The following CPVL variants were observed in gnomAD, a reference collection of about 807,000 sequenced individuals.
CPVL encodes the protein carboxypeptidase vitellogenic like, also known as probable serine carboxypeptidase CPVL.
Under a neutral mutation model 63.7 loss-of-function variants are expected in CPVL, and 51 were observed. The observed-to-expected ratio is 0.80, with a 90% CI of 0.64 to 1.01. CPVL has a LOEUF of 1.01. Ranked by LOEUF, CPVL falls within the 50% of genes least tolerant of loss-of-function variation. The pLI is 0.00. For missense variants in CPVL, 530 were observed against 573.1 expected (o/e 0.92, Z 0.77); for synonymous variants, 195 against 206.0 (o/e 0.95, Z 0.46).
At chr7:29,195,113 A>G in exon 1 of CPVL, 2 of 1,054,100 alleles carry the variant, frequency 1.9e-6, no homozygotes, top group Non-Finnish European at 2.7e-6. Flanking sequence ...GAATGGGGGC[A>G]GGCGTCCGGG....
intron 1 of CPVL, among the ~76,000 whole-genome samples, chr7:29,123,640 T>A (rs1789655061): frequency 1.7e-5 from 2 of 114,412 alleles, no homozygotes; most frequent in Non-Finnish European, 3.5e-5. Context: ...TATATATATA[T>A]ATATATATAT....
rs74313059 is a variant in CPVL at position 29,173,949 on chromosome 7, C to CA, written c.-11+7340dup. ...CCTGGGTGACAGAGGGAGACTGACT[C>CA]AAAAAAAAAAAAAAGAATTTCTAAA... On this transcript the variant is annotated intron_variant, in intron 5 of 16. Coordinates refer to the CPVL transcript ENST00000409850. Among the ~76,000 whole-genome samples, 1,024 of 115,652 alleles carry CA rather than the reference C, an allele frequency of 8.9e-3. 8 individuals carry two copies. Among genetic ancestry groups the CA allele is most frequent in the East Asian group, 0.056 (231 of 4,100 alleles). 75.9% of individuals were successfully genotyped at this position (115,652 alleles called of 152,430 possible).
At chr7:29,171,585 G>A (rs977251036) in intron 5 of CPVL, among the ~76,000 whole-genome samples, 3 of 152,100 alleles carry the variant, frequency 2.0e-5, no homozygotes, top group African/African-American at 7.2e-5. Context: ...AACGTGGACC[G>A]GAAAGACAAA....
chr7:29,009,945 G>A (rs1471517571), intron 12 of CPVL: 1 of 152,182 alleles, frequency 6.6e-6, no homozygotes, highest in African/African-American at 2.4e-5. Flanking sequence ...ACCTGCTGAT[G>A]CTGCCATCCT....
intron 1 of CPVL, among the ~76,000 whole-genome samples, chr7:29,123,707 G>T (rs866835711): frequency 4.8e-4 from 15 of 31,198 alleles, no homozygotes; most frequent in African/African-American, 3.4e-3. Context: ...AGAGGTTTTT[G>T]TTTTTTTTTT....
intron 11 of CPVL, among the ~76,000 whole-genome samples, chr7:29,039,253 C>T (rs1788836311): frequency 6.6e-6 from 1 of 152,164 alleles, no homozygotes; most frequent in African/African-American, 2.4e-5. Flanking sequence ...ACTATCTCAG[C>T]AAGAAAACCT....
intron 11 of CPVL, among the ~76,000 whole-genome samples, chr7:29,062,865 C>T (rs1201560973): frequency 1.3e-5 from 2 of 152,144 alleles, no homozygotes; most frequent in Admixed American, 6.5e-5. Context: ...ATCCTATGGG[C>T]TGCCGACTGC....
At chr7:29,058,121 A>G (rs1026091557) in intron 11 of CPVL, among the ~76,000 whole-genome samples, 1 of 152,170 alleles carries the variant, frequency 6.6e-6, no homozygotes, top group Non-Finnish European at 1.5e-5. Flanking sequence ...AAGAACTGAC[A>G]TCTTGACAAT....
At position 29,055,515 on chromosome 7, in the gene CPVL, C is replaced by A. The variant is rs183283477; in HGVS notation, c.1137+8546G>T. Among the ~76,000 whole-genome samples the A allele has an allele frequency of 1.3e-4, 20 of 152,254 alleles. No homozygotes were observed. The East Asian group carries it at 3.7e-3, about 28-fold the overall frequency. ...ATGTGCCCACCTCAGCCTCCCAAAG[C>A]ACTGAGATTACAGGCATGAGCCACC... On this transcript the variant is annotated intron_variant, in intron 11 of 12. Coordinates refer to ENST00000265394, the MANE Select transcript of CPVL (RefSeq NM_031311.5).
At chr7:29,061,680 T>C (rs960596836) in intron 11 of CPVL, among the ~76,000 whole-genome samples, 2 of 151,200 alleles carry the variant, frequency 1.3e-5, no homozygotes, top group Non-Finnish European at 3.0e-5. Flanking sequence ...GGTGCGGTGG[T>C]TCATGCCTGC....
At chr7:29,186,105 ATT>A (rs1267415357) in intron 2 of CPVL, among the ~76,000 whole-genome samples, 1 of 152,140 alleles carries the variant, frequency 6.6e-6, no homozygotes, top group Non-Finnish European at 1.5e-5. Flanking sequence ...TTAGGGAATA[ATT>A]TTGATCCCTT....
At chr7:29,022,370 C>A (rs1187969291) in intron 12 of CPVL, among the ~76,000 whole-genome samples, 1 of 152,128 alleles carries the variant, frequency 6.6e-6, no homozygotes. Context: ...CTGGTGCCCA[C>A]ATACATCATC....
chr7:29,011,717 A>C (rs2128135203), intron 12 of CPVL: 1 of 152,358 alleles, frequency 6.6e-6, no homozygotes, highest in East Asian at 1.9e-4. Flanking sequence ...AAACAGTAAA[A>C]AAAAATTGTG....
At chr7:29,037,645 C>T (rs929168759) in intron 11 of CPVL, among the ~76,000 whole-genome samples, 2 of 150,610 alleles carry the variant, frequency 1.3e-5, no homozygotes, top group African/African-American at 4.9e-5. Context: ...TGATAAAGTA[C>T]ACAACGGTAC....
chr7:29,014,098 G>A (rs749935560), intron 12 of CPVL, among the ~76,000 whole-genome samples: 18 of 152,298 alleles, frequency 1.2e-4, no homozygotes, highest in Non-Finnish European at 2.2e-4. Context: ...CCTAACCTGT[G>A]ACTTCAGAGA....
intron 3 of CPVL, among the ~76,000 whole-genome samples, chr7:29,103,243 G>GT (rs1787375535): frequency 1.8e-5 from 1 of 55,522 alleles, no homozygotes; most frequent in Non-Finnish European, 3.3e-5. Flanking sequence ...CATAATTGTT[G>GT]TTTTGTTTTT....
chr7:29,061,110 A>T (rs122504), intron 11 of CPVL, among the ~76,000 whole-genome samples: 11,115 of 152,254 alleles, frequency 0.073, 453 homozygotes, highest in South Asian at 0.12. Flanking sequence ...CAACCGATTC[A>T]GAGTTGAAAA....
chr7:29,131,555 G>A (rs747581750), intron 1 of CPVL, among the ~76,000 whole-genome samples: 1 of 151,794 alleles, frequency 6.6e-6, no homozygotes, highest in African/African-American at 2.4e-5. Context: ...TTTGAGACAC[G>A]GTCTCACTCT....
chr7:29,186,686 A>G (rs994809240), intron 1 of CPVL: 3 of 152,192 alleles, frequency 2.0e-5, no homozygotes, highest in African/African-American at 7.2e-5. Flanking sequence ...AGCAAAGAAC[A>G]TGTATTTTAA....
Sources: gnomAD v4.1 joint callset for allele counts (sites outside exome capture counted in the v4.1 genomes callset) on GRCh38, gnomAD v4.1.1 for gene constraint, MANE v1.5 for transcripts, NCBI Gene and HGNC (gene_info 2026-07-23, HGNC 2026-07-21) for gene names.